The following IFT81 variants were observed in gnomAD, a reference collection of about 807,000 sequenced individuals.
The protein encoded by IFT81 is intraflagellar transport protein 81 homolog.
In IFT81, 72 loss-of-function variants were observed where a neutral mutation model predicts 102.6. That is an observed-to-expected ratio of 0.70 (90% CI 0.58 to 0.85). The LOEUF (loss-of-function observed/expected upper bound fraction) is 0.85. IFT81 is among the 40% of genes least tolerant of loss of function. IFT81 has a pLI of 0.00. For missense variants in IFT81, 723 were observed against 787.3 expected (o/e 0.92, Z 0.98); for synonymous variants, 237 against 242.7 (o/e 0.98, Z 0.22).
intron 8 of IFT81, among the ~76,000 whole-genome samples, chr12:110,142,772 G>A (rs937533421): frequency 2.1e-4 from 32 of 151,940 alleles, no homozygotes; most frequent in African/African-American, 7.2e-4. Flanking sequence ...GTACACCTGT[G>A]ATGCCAGCTA....
chr12:110,194,216 G>A (rs374230907), intron 14 of IFT81, among the ~76,000 whole-genome samples: 30 of 152,242 alleles, frequency 2.0e-4, no homozygotes, highest in Admixed American at 1.6e-3. Context: ...ACAGTTTGAC[G>A]TGAGATTTGG....
intron 18 of IFT81, among the ~76,000 whole-genome samples, chr12:110,215,453 CTTTTTTT>C (rs556887393): frequency 4.0e-4 from 25 of 61,928 alleles, no homozygotes; most frequent in Non-Finnish European, 6.2e-4. Context: ...TCTTCTTCTT[CTTTTTTT>C]TTTTTTTTTT....
intron 12 of IFT81, among the ~76,000 whole-genome samples, chr12:110,189,712 A>G (rs113044274): frequency 6.6e-6 from 1 of 152,244 alleles, no homozygotes; most frequent in African/African-American, 2.4e-5. Flanking sequence ...ATATATTTCA[A>G]ATTTTTAACA....
chr12:110,165,323 GAGA>G (rs1896375940), intron 11 of IFT81, among the ~76,000 whole-genome samples: 2 of 152,294 alleles, frequency 1.3e-5, no homozygotes, highest in Middle Eastern at 3.4e-3. Flanking sequence ...ATGGACAAAA[GAGA>G]AGAAGTTTCT....
intron 11 of IFT81, among the ~76,000 whole-genome samples, chr12:110,167,550 A>G (rs2137459093): frequency 6.6e-6 from 1 of 152,288 alleles, no homozygotes; most frequent in Non-Finnish European, 1.5e-5. Flanking sequence ...TACTGTTTTT[A>G]TATCTCAAAG....
intron 18 of IFT81, chr12:110,216,495 C>T (rs953315608): frequency 4.4e-5 from 20 of 452,386 alleles, no homozygotes; most frequent in Non-Finnish European, 7.5e-5. Flanking sequence ...GTGCCCAGCC[C>T]CCAGCCTCCT....
At chr12:110,126,564 C>T (rs932377687) in intron 1 of IFT81, among the ~76,000 whole-genome samples, 14 of 152,062 alleles carry the variant, frequency 9.2e-5, no homozygotes, top group Non-Finnish European at 1.3e-4. Flanking sequence ...GTGACTGTTT[C>T]AATAGGCTGA....
In IFT81 at chr12:110,183,803, G is replaced by A. The variant is rs117421400; in HGVS notation, c.1338+3232G>A. ...TGCCCAGAGGATACAGGATAATCTG[G>A]GGATTCAAGGTTCTCAAGTGGGTCT... On this transcript the variant is annotated intron_variant, in intron 12 of 18. Coordinates refer to ENST00000242591, the MANE Select transcript of IFT81 (RefSeq NM_014055.4). Among the ~76,000 whole-genome samples, 1,047 of 152,264 alleles carry A rather than the reference G, an allele frequency of 6.9e-3. 1 individual carries two copies. Among genetic ancestry groups the A allele is most frequent in the Non-Finnish European group, 9.5e-3 (643 of 68,022 alleles).
intron 11 of IFT81, among the ~76,000 whole-genome samples, chr12:110,165,795 T>C (rs1278954458): frequency 1.3e-5 from 2 of 152,220 alleles, no homozygotes; most frequent in Non-Finnish European, 2.9e-5. Context: ...GAGGCTTCTC[T>C]ATCTGTAAAA....
rs374768355 is a variant in IFT81 at position 110,140,880 on chromosome 12, C to T, written c.782-2502C>T. ...CTGGGATTACAGGCATATGCCACCA[C>T]GCCCGGCTAATTTTGTATATTTTTT... is the stretch of plus-strand genomic sequence containing the variant. On this transcript the variant is annotated intron_variant, in intron 8 of 18. Coordinates refer to ENST00000242591, the MANE Select transcript of IFT81 (RefSeq NM_014055.4). Among the ~76,000 whole-genome samples, 14 of 151,802 alleles carry T rather than the reference C, an allele frequency of 9.2e-5. No individual in the cohort carries two copies. The East Asian group carries it at 1.4e-3, about 15-fold the overall frequency.
At chr12:110,216,918 T>G (rs1870214739) in intron 18 of IFT81, 3 of 198,180 alleles carry the variant, frequency 1.5e-5, no homozygotes, top group African/African-American at 7.2e-5. Context: ...TTGAGAAATT[T>G]TTATGTAAAT....
intron 8 of IFT81, among the ~76,000 whole-genome samples, chr12:110,142,592 A>G (rs1894958991): frequency 6.6e-6 from 1 of 152,086 alleles, no homozygotes; most frequent in African/African-American, 2.4e-5. Context: ...TGTTCTGGGT[A>G]CAGTGTAATC....
chr12:110,209,195 T>C lies in IFT81; in HGVS notation c.1827T>C (p.Ala609=), dbSNP rs1448555112. Reference sequence around the variant, plus strand: ...GGGAACAGTATACCAAAAATACTGCTGAACAAGAAAACCTTGGAAAGGTAA... The same window carrying C: ...GGGAACAGTATACCAAAAATACTGCCGAACAAGAAAACCTTGGAAAGGTAA... ...AIREQYTKNT[A]EQENLGKKLR... The change falls in exon 18 of 19, where the codon GCT becomes GCC. Residue 609 remains alanine, a synonymous_variant. Transcript: ENST00000242591. The C allele has an allele frequency of 1.9e-6, 3 of 1,553,764 alleles. No homozygotes were observed. In the African/African-American group the frequency reaches 4.1e-5, roughly 21 times the overall value.
At chr12:110,162,361 G>A (rs1896185592) in intron 10 of IFT81, 1 of 127,668 alleles carries the variant, frequency 7.8e-6, no homozygotes, top group Non-Finnish European at 1.6e-5. Context: ...TTCTGAGACA[G>A]AGTCTTTCTC....
intron 11 of IFT81, among the ~76,000 whole-genome samples, chr12:110,175,526 G>C (rs1269758777): frequency 6.6e-6 from 1 of 152,070 alleles, no homozygotes; most frequent in Non-Finnish European, 1.5e-5. Context: ...CGGTATTTTC[G>C]TTATTTTACA....
chr12:110,159,436 A>G (rs1243236338), intron 10 of IFT81, among the ~76,000 whole-genome samples: 1 of 152,136 alleles, frequency 6.6e-6, no homozygotes, highest in Non-Finnish European at 1.5e-5. Flanking sequence ...CTCCAGCCTG[A>G]GTGATGGAGC....
At chr12:110,135,218 A>T in intron 6 of IFT81, 109 bp from the exon 7 acceptor site, 1 of 747,214 alleles carries the variant, frequency 1.3e-6, no homozygotes. Context: ...ATCTCTAGGG[A>T]GTACTGTTTA....
intron 9 of IFT81, among the ~76,000 whole-genome samples, chr12:110,145,912 G>A (rs1247837387): frequency 1.3e-5 from 2 of 152,052 alleles, no homozygotes; most frequent in Non-Finnish European, 2.9e-5. Flanking sequence ...CTGGGTTCAA[G>A]TGATTCTCCT....
chr12:110,215,002 T>A (rs1334175647), intron 18 of IFT81, among the ~76,000 whole-genome samples: 2 of 152,238 alleles, frequency 1.3e-5, no homozygotes, highest in East Asian at 3.8e-4. Context: ...CATCAAAAAA[T>A]TTACTGGTTA....
Sources: allele counts gnomAD v4.1 joint callset (sites outside exome capture counted in the v4.1 genomes callset), GRCh38; gene constraint gnomAD v4.1.1; transcripts MANE v1.5; gene names NCBI Gene and HGNC (gene_info 2026-07-23, HGNC 2026-07-21).